Variants in CACNA1C observed in about 807,000 individuals in gnomAD.
The protein encoded by CACNA1C is calcium voltage-gated channel subunit alpha1 C.
In CACNA1C, 30 loss-of-function variants were observed where a neutral mutation model predicts 229.0. That is an observed-to-expected ratio of 0.13 (90% confidence interval 0.10 to 0.18). The LOEUF (loss-of-function observed/expected upper bound fraction) is 0.18. Ranked by LOEUF, CACNA1C falls within the 10% of genes least tolerant of loss-of-function variation. CACNA1C has a pLI of 1.00. For synonymous variants in CACNA1C, 1,114 were observed against 1,132.5 expected, an observed-to-expected ratio of 0.98 and a Z score of 0.33; for missense variants, 1,658 against 2,845.0, an observed-to-expected ratio of 0.58 and a Z score of 9.49.
At chr12:2,259,347 G>T (rs2079165389) in intron 3 of CACNA1C, among the ~76,000 whole-genome samples, 1 of 152,172 alleles carries the variant, frequency 6.6e-6, no homozygotes, top group African/African-American at 2.4e-5. Flanking sequence ...GAGAGGGGCT[G>T]CAAGCCACTC....
At chr12:2,072,654 T>C (rs934549507) in intron 1 of CACNA1C, among the ~76,000 whole-genome samples, 7 of 152,270 alleles carry the variant, frequency 4.6e-5, no homozygotes, top group Non-Finnish European at 1.0e-4. Context: ...TGTTTTGGTA[T>C]ATAATTTGGT....
chr12:2,358,253 G>C (rs563595624), intron 3 of CACNA1C, among the ~76,000 whole-genome samples: 8 of 274 alleles, frequency 0.029, no homozygotes, highest in Admixed American at 0.11. Flanking sequence ...GCGTCCTCCT[G>C]TGTGTGTGTG....
upstream of CACNA1C, among the ~76,000 whole-genome samples, chr12:2,051,809 A>C (rs2052291390): frequency 6.6e-6 from 1 of 152,240 alleles, no homozygotes; most frequent in Non-Finnish European, 1.5e-5. Flanking sequence ...TGGATGTATT[A>C]GGCTTGAAAT....
At chr12:1,992,994 C>G (rs2039830756) in intron 1 of CACNA1C, 1 of 620,022 alleles carries the variant, frequency 1.6e-6, no homozygotes, top group African/African-American at 1.8e-5. Context: ...GGCTTAAGAT[C>G]AGCAATGGGT....
chr12:2,216,445 T>A (rs1051662291), intron 3 of CACNA1C, among the ~76,000 whole-genome samples: 56 of 152,164 alleles, frequency 3.7e-4, no homozygotes, highest in Non-Finnish European at 2.4e-4. Flanking sequence ...GTGGAGCGAA[T>A]GTTTCAGTTG....
At chr12:2,499,472 G>C (rs1030919071) in intron 7 of CACNA1C, among the ~76,000 whole-genome samples, 1 of 152,216 alleles carries the variant, frequency 6.6e-6, no homozygotes, top group African/African-American at 2.4e-5. Flanking sequence ...GAGGAGAGGG[G>C]CTAGGGAAGC....
intron 1 of CACNA1C, among the ~76,000 whole-genome samples, chr12:2,076,090 A>G (rs1010525262): frequency 1.3e-5 from 2 of 152,100 alleles, no homozygotes; most frequent in Non-Finnish European, 2.9e-5. Flanking sequence ...TCGGTTTGGA[A>G]TTGTCGCTGT....
At chr12:2,513,637 A>T (rs1598546488) in intron 9 of CACNA1C, among the ~76,000 whole-genome samples, 1 of 152,322 alleles carries the variant, frequency 6.6e-6, no homozygotes, top group East Asian at 1.9e-4. Flanking sequence ...AATGAAAGTG[A>T]TGGATGACAT....
intron 1 of CACNA1C, among the ~76,000 whole-genome samples, chr12:2,060,306 G>C (rs139362435): frequency 1.3e-5 from 2 of 152,264 alleles, no homozygotes; most frequent in East Asian, 3.9e-4. Flanking sequence ...TAGACACACA[G>C]ATCAGCCCCA....
intron 1 of CACNA1C, among the ~76,000 whole-genome samples, chr12:2,021,844 A>G (rs1239752629): frequency 1.3e-5 from 2 of 152,192 alleles, no homozygotes; most frequent in African/African-American, 4.8e-5. Context: ...TCATGAGAGT[A>G]AAGCCTTTGC....
At position 2,059,522 on chromosome 12, in the gene CACNA1C, C is replaced by T. The variant is rs1594662865; in HGVS notation, c.49+5911C>T. Among the ~76,000 whole-genome samples the T allele has an allele frequency of 2.0e-5, 3 of 151,722 alleles. No homozygotes were observed. The South Asian group carries it at 6.2e-4, about 32-fold the overall frequency. On this transcript the variant is annotated intron_variant, in intron 1 of 46. Transcript: ENST00000399655. Reference sequence around the variant, plus strand: ...GGCAAGAAACCCAAACCTCTCAGCCCCTCCCCTCCCCAAAACCCCACAGAA... The same window carrying T: ...GGCAAGAAACCCAAACCTCTCAGCCTCTCCCCTCCCCAAAACCCCACAGAA...
At chr12:1,974,642 G>C (rs889078041) in intron 1 of CACNA1C, among the ~76,000 whole-genome samples, 1 of 152,046 alleles carries the variant, frequency 6.6e-6, no homozygotes, top group Non-Finnish European at 1.5e-5. Context: ...ATAACTAATA[G>C]TACTTTGGTC....
At chr12:2,594,316 C>G (rs1247833151) in intron 19 of CACNA1C, among the ~76,000 whole-genome samples, 1 of 152,222 alleles carries the variant, frequency 6.6e-6, no homozygotes, top group Non-Finnish European at 1.5e-5. Flanking sequence ...TTCTGACACT[C>G]CAATTGGACA....
intron 3 of CACNA1C, among the ~76,000 whole-genome samples, chr12:2,416,834 A>C (rs138661260): frequency 2.5e-4 from 38 of 152,352 alleles, no homozygotes; most frequent in Non-Finnish European, 4.1e-4. Context: ...GAGGACTCTA[A>C]GAATCAGAGA....
Position 2,677,681 on chromosome 12 carries a change from G to C in CACNA1C, c.4957-52G>C. ...TGGCCCGAGGCTGTGGCTGGCTGGG[G>C]AGCTTGGAGGAAAGGGAGCGTGGTC... On this transcript the variant is annotated intron_variant, in intron 40 of 46. Transcript: ENST00000399655. This position sits in a 1 kb window ranked among gnomAD's most constrained non-coding sequence, Gnocchi z 7.4. The C allele has an allele frequency of 1.3e-6, 2 of 1,575,980 alleles. No individual in the cohort carries two copies. Among genetic ancestry groups the C allele is most frequent in the Non-Finnish European group, 1.7e-6 (2 of 1,162,476 alleles).
chr12:2,564,516 G>T (rs187278168), intron 11 of CACNA1C, among the ~76,000 whole-genome samples: 3 of 152,058 alleles, frequency 2.0e-5, no homozygotes, highest in African/African-American at 7.2e-5. Context: ...TCAATGCCTC[G>T]TGGGTCTGCG....
Position 2,197,922 on chromosome 12 carries a change from C to T in CACNA1C, c.477+77492C>T, listed in dbSNP as rs373198341. ...GCAGTGTTAAGAGATGATTTCCAAA[C>T]GAAGCTGTGGTTTCATTTGGAACGC... On this transcript the variant is annotated intron_variant, in intron 3 of 46. Transcript: ENST00000399655. Among the ~76,000 whole-genome samples, 10 of 152,268 alleles carry T rather than the reference C, an allele frequency of 6.6e-5. No individual in the cohort carries two copies. The East Asian group carries it at 1.5e-3, about 23-fold the overall frequency.
chr12:1,984,776 G>GGT (rs2037169556), intron 1 of CACNA1C, among the ~76,000 whole-genome samples: 4 of 84,658 alleles, frequency 4.7e-5, no homozygotes, highest in Non-Finnish European at 9.4e-5. Context: ...TGGGTCTTCT[G>GGT]GTAAAAAAAA....
At chr12:2,383,567 G>C (rs776637295) in intron 3 of CACNA1C, among the ~76,000 whole-genome samples, 1 of 152,176 alleles carries the variant, frequency 6.6e-6, no homozygotes, top group Non-Finnish European at 1.5e-5. Context: ...CAATGAGACA[G>C]CAGAGTAAGT....
Sources: gnomAD v4.1 joint callset for allele counts (sites outside exome capture counted in the v4.1 genomes callset) on GRCh38, gnomAD v4.1.1 for gene constraint, Gnocchi (gnomAD v3.1) non-coding constraint, MANE v1.5 for transcripts, NCBI Gene and HGNC (gene_info 2026-07-23, HGNC 2026-07-21) for gene names.